The following FBXO25 variants were observed in gnomAD, a reference collection of about 807,000 sequenced individuals.
FBXO25 encodes F-box protein 25, also known as F-box only protein 25.
A neutral mutation model predicts 51.9 loss-of-function variants in FBXO25; 45 were observed. The ratio of observed to expected loss-of-function variants is 0.87; its 90% CI spans 0.68 to 1.11. FBXO25 has a LOEUF of 1.11. Ranked by LOEUF, FBXO25 falls within the 50% of genes most tolerant of loss-of-function variation. FBXO25 has a pLI of 0.00. For missense variants in FBXO25, 507 were observed against 428.5 expected (o/e 1.18, Z -1.62); for synonymous variants, 199 against 151.0 (o/e 1.32, Z -2.33).
chr8:467,160 C>A (rs1364042679), intron 9 of FBXO25, among the ~76,000 whole-genome samples: 1 of 152,224 alleles, frequency 6.6e-6, no homozygotes, highest in Non-Finnish European at 1.5e-5. Context: ...CGGGGGAGAA[C>A]AGCACAGGAG....
At chr8:407,444 G>A (rs1050536227) in intron 1 of FBXO25, 10 of 984,258 alleles carry the variant, frequency 1.0e-5, no homozygotes, top group African/African-American at 5.3e-5. Context: ...GGCGGGTGTG[G>A]AGGGTTCATT....
chr8:462,743 G>A (rs1799894812), intron 8 of FBXO25, among the ~76,000 whole-genome samples: 2 of 152,254 alleles, frequency 1.3e-5, no homozygotes, highest in South Asian at 4.1e-4. Context: ...TGGAGACTCA[G>A]AAGAGGGAAG....
chr8:425,200 C>T (rs1026072215), intron 2 of FBXO25, among the ~76,000 whole-genome samples: 2 of 151,950 alleles, frequency 1.3e-5, no homozygotes, highest in Non-Finnish European at 2.9e-5. Context: ...TTCCCAAACT[C>T]TTATGGTAAC....
At chr8:435,774 G>T (rs1213238464) in intron 5 of FBXO25, 67 bp downstream of exon 5, 2 of 1,545,862 alleles carry the variant, frequency 1.3e-6, no homozygotes, top group Admixed American at 4.4e-5. Context: ...AAGATTGTAA[G>T]TGTACAACGT....
chr8:475,786 TG>T lies in FBXO25; in HGVS notation c.*6983del, dbSNP rs1438666893. 2 of 152,214 alleles carry T rather than the reference TG, an allele frequency of 1.3e-5. No homozygotes were observed. Among genetic ancestry groups the T allele is most frequent in the Admixed American group, 1.3e-4 (2 of 15,286 alleles). 9.4% of individuals were successfully genotyped at this position (152,214 alleles called of 1,614,324 possible). ...CTGCAGTGTTACTGAAATTTTTTTT[TG>T]TATATGTATGGACACTAGGATTTTC... On this transcript the variant is annotated 3_prime_UTR_variant, in exon 10 of 10. Transcript: ENST00000350302.
intron 7 of FBXO25, among the ~76,000 whole-genome samples, chr8:457,507 A>G (rs1279916148): frequency 1.3e-5 from 2 of 152,196 alleles, no homozygotes; most frequent in Non-Finnish European, 2.9e-5. Context: ...AATGGTTTGT[A>G]AACTTGAAGT....
chr8:475,613 TCAAGTA>T lies in FBXO25; in HGVS notation c.*6815_*6820del, dbSNP rs1198639500. 2 of 152,240 alleles carry T rather than the reference TCAAGTA, an allele frequency of 1.3e-5. No homozygotes were observed. Among genetic ancestry groups the T allele is most frequent in the Non-Finnish European group, 2.9e-5 (2 of 68,034 alleles). The allele number at this position is 152,240 out of a possible 1,614,324, so 9.4% of individuals were successfully genotyped here. On this transcript the variant is annotated 3_prime_UTR_variant, in exon 10 of 10. Coordinates refer to ENST00000350302, the MANE Select transcript of FBXO25 (RefSeq NM_183420.2). ...TTCTTTAAGCAGTGTTTTATGGTTT[TCAAGTA>T]CAAGTCTTTTGCTTCCTTAAGTTTA...
rs1355686360 is a variant in FBXO25, at chr8:477,761, A to AAAATCTGAAT, written c.*8958_*8967dup. 6.6e-6 allele frequency: 1 copy of AAAATCTGAAT among 152,412 alleles called. No homozygotes were observed. Among genetic ancestry groups the AAAATCTGAAT allele is most frequent in the Non-Finnish European group, 1.5e-5 (1 of 68,042 alleles). The allele number at this position is 152,412 out of a possible 1,614,324, so 9.4% of individuals were successfully genotyped here. ...CTGTGTTCCAAACTTTTTGGACAAT[A>AAAATCTGAAT]AAATCTGAATTTCACATACTTTTCT... On this transcript the variant is annotated 3_prime_UTR_variant, in exon 10 of 10. Coordinates refer to ENST00000350302, the MANE Select transcript of FBXO25 (RefSeq NM_183420.2).
At position 452,667 on chromosome 8, in the gene FBXO25, C is replaced by T. The variant is rs117263047; in HGVS notation, c.660+1214C>T. ...AAGGGGGTGTTTGGGAAAGGCCAAA[C>T]ACCAGACCAGGAAGCAGCCTTTCTT... On this transcript the variant is annotated intron_variant, in intron 7 of 9. Coordinates refer to ENST00000350302, the MANE Select transcript of FBXO25 (RefSeq NM_183420.2). 1.8e-3 allele frequency among the ~76,000 whole-genome samples: 276 copies of T among 152,302 alleles called. 3 individuals are homozygous for T. The East Asian group carries it at 0.034, about 19-fold the overall frequency.
rs577620381 is a variant in FBXO25, at chr8:443,786, G to A, written c.382-6204G>A. Among the ~76,000 whole-genome samples the A allele has an allele frequency of 3.3e-5, 5 of 152,072 alleles. No homozygotes were observed. In the South Asian group the frequency reaches 1.0e-3, roughly 32 times the overall value. On this transcript the variant is annotated intron_variant, in intron 5 of 9. Transcript: ENST00000350302. ...AAAATTGATGAAAACTACAAAGTCTGCTTGGTTCTGCTTTGGCTTGCTAGA... is the reference window on the plus strand; with the variant it reads ...AAAATTGATGAAAACTACAAAGTCTACTTGGTTCTGCTTTGGCTTGCTAGA...
At chr8:440,581 CT>C (rs938515194) in intron 5 of FBXO25, among the ~76,000 whole-genome samples, 2 of 151,260 alleles carry the variant, frequency 1.3e-5, no homozygotes, top group Non-Finnish European at 2.9e-5. Flanking sequence ...CGTCATATGA[CT>C]TTTTTTTAAA....
chr8:450,072 T>C lies in FBXO25; in HGVS notation c.464T>C (p.Ile155Thr). The part of the protein sequence containing the change: ...QKNYFNILDK[I>T]VQKVLDDHHN... ...AATTACTTCAACATTTTGGATAAAATCGTTCAAAAGGGTAAGATGATCACT... is the reference window on the plus strand; with the variant it reads ...AATTACTTCAACATTTTGGATAAAACCGTTCAAAAGGGTAAGATGATCACT... The change falls in exon 6 of 10, where the codon ATC (isoleucine) becomes ACC (threonine). Residue 155 changes from isoleucine to threonine, a missense_variant. By Grantham distance (89) the Ile-to-Thr change is moderately conservative. Transcript: ENST00000350302. 2 of 1,611,366 alleles carry C rather than the reference T, an allele frequency of 1.2e-6. No individual in the cohort carries two copies. Among genetic ancestry groups the C allele is most frequent in the Non-Finnish European group, 1.7e-6 (2 of 1,178,434 alleles).
At chr8:439,675 C>T (rs556789694) in intron 5 of FBXO25, among the ~76,000 whole-genome samples, 1 of 152,308 alleles carries the variant, frequency 6.6e-6, no homozygotes, top group South Asian at 2.1e-4. Flanking sequence ...GGGCATTGCT[C>T]TGCCCCTCCA....
chr8:440,168 T>C (rs1269029271), intron 5 of FBXO25, among the ~76,000 whole-genome samples: 1 of 152,192 alleles, frequency 6.6e-6, no homozygotes, highest in Non-Finnish European at 1.5e-5. Context: ...CTTTCTTATT[T>C]ATTTACTCAG....
At chr8:458,221 GC>G in intron 7 of FBXO25, 147 bp from the exon 8 acceptor site, 1 of 815,316 alleles carries the variant, frequency 1.2e-6, no homozygotes, top group Middle Eastern at 3.7e-4. Context: ...GTGGATGCAG[GC>G]CCCTTGACAC....
In FBXO25 at chr8:469,610, T is replaced by C. The variant is rs1032068326; in HGVS notation, c.*806T>C. On this transcript the variant is annotated 3_prime_UTR_variant, in exon 10 of 10. Coordinates refer to ENST00000350302, the MANE Select transcript of FBXO25 (RefSeq NM_183420.2). ...CAGTTTTGCATCCTACTGAGAAATG[T>C]TAGTGATTTTGATACTTAAATCCTT... is the stretch of plus-strand genomic sequence containing the variant. 4.6e-5 allele frequency: 7 copies of C among 152,226 alleles called. No individual in the cohort carries two copies. Among genetic ancestry groups the C allele is most frequent in the Non-Finnish European group, 1.0e-4 (7 of 68,034 alleles). The allele number at this position is 152,226 out of a possible 1,614,324, so 9.4% of individuals were successfully genotyped here. A position where few individuals can be genotyped will look rare whatever the true frequency, so the allele number is the denominator to read the frequency against.
intron 2 of FBXO25, among the ~76,000 whole-genome samples, chr8:421,407 CAG>C (rs778794483): frequency 9.9e-5 from 15 of 152,206 alleles, no homozygotes; most frequent in Non-Finnish European, 1.8e-4. Context: ...CTTTGGAAAA[CAG>C]TGTTTTGACA....
chr8:413,277 T>C (rs1242089939), intron 2 of FBXO25, 64 bp downstream of exon 2: 1 of 1,411,834 alleles, frequency 7.1e-7, no homozygotes, highest in African/African-American at 1.5e-5. Flanking sequence ...TTACCTATTT[T>C]TCAAGTCCCT....
chr8:432,110 C>G (rs1260161908), intron 3 of FBXO25, among the ~76,000 whole-genome samples: 1 of 152,142 alleles, frequency 6.6e-6, no homozygotes, highest in Non-Finnish European at 1.5e-5. Context: ...AAGATGGCCA[C>G]CATCACTGCT....
Sources: gnomAD v4.1 joint callset for allele counts (sites outside exome capture counted in the v4.1 genomes callset) on GRCh38, gnomAD v4.1.1 for gene constraint, MANE v1.5 for transcripts, NCBI Gene and HGNC (gene_info 2026-07-23, HGNC 2026-07-21) for gene names.